FSTL5: variants seen among roughly 807,000 people sequenced by gnomAD.
The protein encoded by FSTL5 is follistatin like 5, also known as follistatin-related protein 5.
In FSTL5, 62 loss-of-function variants were observed where a neutral mutation model predicts 89.1. The ratio of observed to expected loss-of-function variants is 0.70; its 90% CI spans 0.57 to 0.86. FSTL5 has a LOEUF of 0.86. FSTL5 is among the 40% of genes least tolerant of loss of function. The pLI, the probability that FSTL5 is intolerant of heterozygous loss-of-function variation, is 0.00. For missense variants in FSTL5, 1,057 were observed against 1,001.6 expected, an observed-to-expected ratio of 1.06 and a Z score of -0.75; for synonymous variants, 383 against 346.2, an observed-to-expected ratio of 1.11 and a Z score of -1.18.
At chr4:161,449,794 G>A (rs1225404697) in intron 15 of FSTL5, among the ~76,000 whole-genome samples, 2 of 152,062 alleles carry the variant, frequency 1.3e-5, no homozygotes, top group East Asian at 3.9e-4. Context: ...ATTTTAGTCA[G>A]TGAGAACCTT....
intron 3 of FSTL5, among the ~76,000 whole-genome samples, chr4:161,984,198 A>C (rs1335963200): frequency 6.6e-6 from 1 of 151,956 alleles, no homozygotes; most frequent in Non-Finnish European, 1.5e-5. Context: ...GTTTCTCTAT[A>C]CTTTTTTATT....
At chr4:161,855,961 C>CAAGAT (rs1177423035) in intron 4 of FSTL5, among the ~76,000 whole-genome samples, 1 of 151,796 alleles carries the variant, frequency 6.6e-6, no homozygotes, top group Non-Finnish European at 1.5e-5. Flanking sequence ...GGAATAAAAC[C>CAAGAT]AAGATATTTA....
chr4:162,078,242 G>T (rs1032701739), intron 2 of FSTL5, among the ~76,000 whole-genome samples: 9 of 151,676 alleles, frequency 5.9e-5, no homozygotes, highest in African/African-American at 9.7e-5. Context: ...ATCAAGTGCC[G>T]CATGTACTGC....
intron 3 of FSTL5, among the ~76,000 whole-genome samples, chr4:161,929,660 C>CAT (rs1553983432): frequency 1.7e-4 from 21 of 126,846 alleles, no homozygotes; most frequent in Non-Finnish European, 3.3e-4. Context: ...TAGGTAGGCA[C>CAT]GTGTGTGTGT....
intron 4 of FSTL5, among the ~76,000 whole-genome samples, chr4:161,822,438 G>A (rs1730521400): frequency 6.6e-6 from 1 of 152,216 alleles, no homozygotes. Context: ...AGCCAGGTGT[G>A]CTAGCTGCAG....
Position 161,759,448 on chromosome 4 carries a change from G to T in FSTL5, c.690C>A (p.Asp230Glu). ...VLLKYDDFNA[D>E]KHLALEEFYR... Reference sequence around the variant, plus strand: ...AAAATTCTTCAAGAGCCAGGTGCTTGTCAGCATTAAAATCATCATATTTCA... The same window carrying T: ...AAAATTCTTCAAGAGCCAGGTGCTTTTCAGCATTAAAATCATCATATTTCA... The change falls in exon 6 of 16, where the codon GAC becomes GAA. Residue 230 changes from aspartate to glutamate, a missense_variant. Physicochemically the swap from Asp to Glu is conservative, Grantham distance 45. Coordinates refer to ENST00000306100, the MANE Select transcript of FSTL5 (RefSeq NM_020116.5). 1.9e-6 allele frequency: 3 copies of T among 1,595,022 alleles called. No homozygotes were observed. The highest frequency in any genetic ancestry group is 2.6e-6 in the Non-Finnish European group (3 of 1,171,554).
At chr4:161,936,599 A>C (rs533283526) in intron 3 of FSTL5, among the ~76,000 whole-genome samples, 1 of 152,260 alleles carries the variant, frequency 6.6e-6, no homozygotes, top group African/African-American at 2.4e-5. Flanking sequence ...AGCAATACCA[A>C]GTACCGCAGG....
At chr4:162,025,978 T>TA (rs957956386) in intron 3 of FSTL5, among the ~76,000 whole-genome samples, 3 of 151,142 alleles carry the variant, frequency 2.0e-5, no homozygotes, top group African/African-American at 7.3e-5. Flanking sequence ...AAGGATATTC[T>TA]AAAAAATCCA....
At chr4:161,725,674 C>A (rs1739372683) in intron 6 of FSTL5, among the ~76,000 whole-genome samples, 1 of 152,008 alleles carries the variant, frequency 6.6e-6, no homozygotes, top group South Asian at 2.1e-4. Flanking sequence ...ATAAAAGAGT[C>A]AATTCTTTAA....
chr4:161,388,807 T>C (rs1049783717), intron 15 of FSTL5, among the ~76,000 whole-genome samples: 2 of 152,078 alleles, frequency 1.3e-5, no homozygotes, highest in Admixed American at 1.3e-4. Context: ...TTTCAAATGC[T>C]AATGAGGAAG....
At chr4:161,525,106 C>T (rs72685721) in intron 10 of FSTL5, among the ~76,000 whole-genome samples, 3,190 of 152,188 alleles carry the variant, frequency 0.021, 45 homozygotes, top group African/African-American at 0.035. Flanking sequence ...GCAGTCTCAT[C>T]GCGCTTTGCT....
At chr4:161,966,628 T>A (rs1735334474) in intron 3 of FSTL5, among the ~76,000 whole-genome samples, 2 of 152,084 alleles carry the variant, frequency 1.3e-5, no homozygotes, top group Admixed American at 1.3e-4. Context: ...ATCATCCTGA[T>A]GTGAAGACAC....
At chr4:161,667,679 G>T (rs1736950717) in intron 6 of FSTL5, among the ~76,000 whole-genome samples, 2 of 152,000 alleles carry the variant, frequency 1.3e-5, no homozygotes, top group African/African-American at 4.8e-5. Context: ...TTTCCCAACT[G>T]CCCTGTGAAG....
intron 6 of FSTL5, among the ~76,000 whole-genome samples, chr4:161,677,731 T>A (rs1737355914): frequency 6.6e-6 from 1 of 151,946 alleles, no homozygotes; most frequent in Non-Finnish European, 1.5e-5. Flanking sequence ...AATGTACTCT[T>A]TAGGAATTTT....
At chr4:161,826,096 T>G (rs963274595) in intron 4 of FSTL5, among the ~76,000 whole-genome samples, 7 of 152,144 alleles carry the variant, frequency 4.6e-5, no homozygotes, top group Non-Finnish European at 8.8e-5. Context: ...ATTGTTCAAT[T>G]CAAAGAAGTT....
intron 3 of FSTL5, among the ~76,000 whole-genome samples, chr4:161,954,369 CA>C: frequency 6.6e-6 from 1 of 151,442 alleles, no homozygotes; most frequent in Non-Finnish European, 1.5e-5. Context: ...AAAATTTCCA[CA>C]AAAAATTATG....
intron 6 of FSTL5, among the ~76,000 whole-genome samples, chr4:161,692,220 TA>T (rs1737966598): frequency 1.3e-5 from 2 of 152,134 alleles, no homozygotes; most frequent in African/African-American, 4.8e-5. Context: ...GGGATTTTCA[TA>T]AATATTCTTT....
chr4:161,768,517 T>C (rs1390022549), intron 5 of FSTL5, among the ~76,000 whole-genome samples: 1 of 152,022 alleles, frequency 6.6e-6, no homozygotes, highest in Non-Finnish European at 1.5e-5. Context: ...AAGGCTCTTA[T>C]ATTCTATACA....
At chr4:161,793,063 T>C (rs1054478173) in intron 4 of FSTL5, among the ~76,000 whole-genome samples, 2 of 152,228 alleles carry the variant, frequency 1.3e-5, no homozygotes, top group Non-Finnish European at 2.9e-5. Context: ...CCCTCATCCA[T>C]ATGCAGTTGC....
Sources: allele counts gnomAD v4.1 joint callset (sites outside exome capture counted in the v4.1 genomes callset), GRCh38; gene constraint gnomAD v4.1.1; transcripts MANE v1.5; gene names NCBI Gene and HGNC (gene_info 2026-07-23, HGNC 2026-07-21).